COL12A1: variants seen among roughly 807,000 people sequenced by gnomAD.
COL12A1 encodes collagen alpha-1(XII) chain.
In COL12A1, 114 loss-of-function variants were observed where a neutral mutation model predicts 349.7. The ratio of observed to expected loss-of-function variants is 0.33; its 90% CI spans 0.28 to 0.38. The LOEUF (loss-of-function observed/expected upper bound fraction) is 0.38. Ranked by LOEUF, COL12A1 falls within the 10% of genes least tolerant of loss-of-function variation. The pLI, the probability that COL12A1 is intolerant of heterozygous loss-of-function variation, is 1.00. For missense variants in COL12A1, 3,284 were observed against 3,756.9 expected, an observed-to-expected ratio of 0.87 and a Z score of 3.29; for synonymous variants, 1,369 against 1,329.0, an observed-to-expected ratio of 1.03 and a Z score of -0.66.
At chr6:75,129,799 C>T (rs1766212468) in intron 37 of COL12A1, among the ~76,000 whole-genome samples, 1 of 152,030 alleles carries the variant, frequency 6.6e-6, no homozygotes, top group African/African-American at 2.4e-5. Flanking sequence ...AAACTTGGTT[C>T]CTGTGGTGTC....
intron 60 of COL12A1, among the ~76,000 whole-genome samples, 176 bp from the exon 61 acceptor site, chr6:75,091,701 CTCTCTCTCTCTCTCTCTT>C (rs1463023494): frequency 6.6e-6 from 1 of 150,430 alleles, no homozygotes; most frequent in Non-Finnish European, 1.5e-5. Flanking sequence ...GGAATCTAAT[CTCTCTCTCTCTCTCTCTT>C]TCTCTCTCTC....
At position 75,183,157 on chromosome 6, in the gene COL12A1, T is replaced by C. The variant is rs1451000533; in HGVS notation, c.1784A>G (p.His595Arg). Residue 595 changes from histidine (H) to arginine (R), a missense_variant, in exon 10 of 66, where the codon CAT (histidine) becomes CGT (arginine). By Grantham distance (29) the His-to-Arg change is conservative. Transcript: ENST00000322507. ...EAIASPPAET[H>R]VFTVEDFDAF... ...ATCAAAATCTTCCACTGTGAACACA[T>C]GGGTCTCTGCAGGAGGAGAGGCAAT... The C allele has an allele frequency of 1.9e-6, 3 of 1,614,150 alleles. No homozygotes were observed. Among genetic ancestry groups the C allele is most frequent in the South Asian group, 1.1e-5 (1 of 91,082 alleles).
chr6:75,145,199 G>A, intron 25 of COL12A1, 127 bp downstream of exon 25: 1 of 980,108 alleles, frequency 1.0e-6, no homozygotes, highest in South Asian at 3.9e-5. Flanking sequence ...AAATTTGATT[G>A]TCAAAAGTAA....
intron 21 of COL12A1, among the ~76,000 whole-genome samples, chr6:75,149,811 A>C (rs892780178): frequency 1.3e-5 from 2 of 152,152 alleles, no homozygotes; most frequent in Non-Finnish European, 2.9e-5. Context: ...AACTAGAATG[A>C]ATGCAACTAT....
At chr6:75,129,368 A>AAAAG (rs1228137211) in intron 37 of COL12A1, among the ~76,000 whole-genome samples, 1 of 152,346 alleles carries the variant, frequency 6.6e-6, no homozygotes, top group East Asian at 1.9e-4. Context: ...CTATGTGGTA[A>AAAAG]AAAGATGGCA....
At position 75,183,403 on chromosome 6, in the gene COL12A1, C is replaced by G. The variant is rs1422951580; in HGVS notation, c.1538G>C (p.Arg513Thr). 2 of 1,614,196 alleles carry G rather than the reference C, an allele frequency of 1.2e-6. No individual in the cohort carries two copies. The highest frequency in any genetic ancestry group is 1.7e-6 in the Non-Finnish European group (2 of 1,180,036). Residue 513 changes from arginine (R) to threonine (T), a missense_variant, in exon 10 of 66, where the codon AGA (arginine) becomes ACA (threonine). By Grantham distance (71) the Arg-to-Thr change is moderately conservative. This residue lies in a region of COL12A1 where 2,601 missense variants were observed against 2,824.8 expected (regional missense o/e 0.92). Coordinates refer to ENST00000322507, the MANE Select transcript of COL12A1 (RefSeq NM_004370.6). The stretch of plus-strand genomic sequence containing the variant: ...TTTGCCAGTATTTGTAGATCCTCCT[C>G]TGTAAGGGAAGGTGTTTATTGCTTC... Reference protein sequence around the residue: ...IIEAINTFPYRGGSTNTGKAM... With the variant: ...IIEAINTFPYTGGSTNTGKAM...
At chr6:75,107,612 T>A (rs976363583) in intron 52 of COL12A1, among the ~76,000 whole-genome samples, 26 of 152,248 alleles carry the variant, frequency 1.7e-4, no homozygotes, top group African/African-American at 6.3e-4. Flanking sequence ...AAAAGTAACA[T>A]TAAAGTAAAT....
At chr6:75,116,785 A>G (rs915087984) in intron 47 of COL12A1, among the ~76,000 whole-genome samples, 3 of 152,124 alleles carry the variant, frequency 2.0e-5, no homozygotes, top group Non-Finnish European at 2.9e-5. Flanking sequence ...ATTATGTAGG[A>G]TAAATTGCCT....
rs756157574 is a variant in COL12A1, at chr6:75,115,868, T to G, written c.7613A>C (p.Gln2538Pro). 6 of 1,613,524 alleles carry G rather than the reference T, an allele frequency of 3.7e-6. No homozygotes were observed. Among genetic ancestry groups the G allele is most frequent in the South Asian group, 2.2e-5 (2 of 91,068 alleles). Residue 2538 changes from glutamine to proline, a missense_variant, in exon 49 of 66, where the codon CAA becomes CCA. By Grantham distance (76) the Gln-to-Pro change is moderately conservative. This residue lies in a region of COL12A1 where 683 missense variants were observed against 932.1 expected (regional missense o/e 0.73). Coordinates refer to ENST00000322507, the MANE Select transcript of COL12A1 (RefSeq NM_004370.6). ...AGACCCTGACTCCAAAGATACTCCT[T>G]GTACAGAAGCAAAATTCTTTTCTGT... ...NLTEKNFASV[Q>P]GVSLESGSFP...
At chr6:75,203,798 T>A (rs530605112) in intron 1 of COL12A1, among the ~76,000 whole-genome samples, 1 of 152,338 alleles carries the variant, frequency 6.6e-6, no homozygotes, top group African/African-American at 2.4e-5. Context: ...AGCAAGGAAC[T>A]GAACTGGGAA....
chr6:75,113,195 T>C lies in COL12A1; in HGVS notation c.7950+9A>G, dbSNP rs778327157. ...TAGAAATAAGACTCAAATAATCTTA[T>C]GTTTTTACCTTGTGAAAACTTCCAT... is the stretch of plus-strand genomic sequence containing the variant. On this transcript the variant is annotated intron_variant, in intron 51 of 65. Transcript: ENST00000322507. 9 of 1,418,652 alleles carry C rather than the reference T, an allele frequency of 6.3e-6. No homozygotes were observed. Among genetic ancestry groups the C allele is most frequent in the Admixed American group, 4.2e-5 (2 of 47,620 alleles). 87.9% of individuals were successfully genotyped at this position (1,418,652 alleles called of 1,614,324 possible). A position where few individuals can be genotyped will look rare whatever the true frequency, so the allele number is the denominator to read the frequency against.
chr6:75,189,914 T>C lies in COL12A1; in HGVS notation c.395-99A>G, dbSNP rs1428626177. On this transcript the variant is annotated intron_variant, in intron 5 of 65. Coordinates refer to ENST00000322507, the MANE Select transcript of COL12A1 (RefSeq NM_004370.6). Reference sequence around the variant, plus strand: ...AATGTTGGCTCCTTAAATCATTCTGTTCATTAGAACATATTCACCAATTGT... The same window carrying C: ...AATGTTGGCTCCTTAAATCATTCTGCTCATTAGAACATATTCACCAATTGT... The C allele has an allele frequency of 2.3e-6, 3 of 1,296,502 alleles. No homozygotes were observed. In the South Asian group the frequency reaches 4.3e-5, roughly 19 times the overall value. The allele number at this position is 1,296,502 out of a possible 1,614,324, so 80.3% of individuals were successfully genotyped here.
At chr6:75,126,217 T>C in intron 39 of COL12A1, 134 bp downstream of exon 39, 1 of 950,168 alleles carries the variant, frequency 1.1e-6, no homozygotes, top group South Asian at 2.3e-5. Flanking sequence ...CCAAAAACAT[T>C]GCCTTTGGTT....
At chr6:75,183,755 T>C (rs1175343210) in intron 9 of COL12A1, 99 bp downstream of exon 9, 15 of 1,540,308 alleles carry the variant, frequency 9.7e-6, no homozygotes, top group Non-Finnish European at 1.1e-5. Flanking sequence ...AAAAAAACTA[T>C]TGCAAATATT....
In COL12A1 at chr6:75,090,279, A is replaced by AT; in HGVS notation, c.8771dup (p.Asn2924LysfsTer10). 6.2e-7 allele frequency: 1 copy of AT among 1,610,500 alleles called. No individual in the cohort carries two copies. Among genetic ancestry groups the AT allele is most frequent in the Non-Finnish European group, 8.5e-7 (1 of 1,177,190 alleles). ...CATTTGGAATCTGATTCAGCATCTG[A>AT]TTGAATCTGTTCATCTGACCTACAA... On this transcript the variant is annotated frameshift_variant, in exon 63 of 66. Transcript: ENST00000322507. LOFTEE classifies it high-confidence loss of function. This position sits in a 1 kb window ranked among gnomAD's most constrained non-coding sequence, Gnocchi z 4.1.
chr6:75,155,689 T>G lies in COL12A1; in HGVS notation c.3416A>C (p.Asp1139Ala), dbSNP rs192171030. 2 of 1,610,112 alleles carry G rather than the reference T, an allele frequency of 1.2e-6. No homozygotes were observed. Among genetic ancestry groups the G allele is most frequent in the African/African-American group, 1.3e-5 (1 of 74,634 alleles). Residue 1139 changes from aspartate (D) to alanine (A), a missense_variant, in exon 16 of 66, where the codon GAC becomes GCC. Physicochemically the swap from Asp to Ala is moderately radical, Grantham distance 126 (BLOSUM62 -2). Coordinates refer to ENST00000322507, the MANE Select transcript of COL12A1 (RefSeq NM_004370.6). Reference sequence around the variant, plus strand: ...AAGTTCCTCCAAAACAACTGTGTTGTCATAGGGTCCAACCACTAACTCCCC... The same window carrying G: ...AAGTTCCTCCAAAACAACTGTGTTGGCATAGGGTCCAACCACTAACTCCCC... ...RLGELVVGPY[D>A]NTVVLEELRA...
intron 13 of COL12A1, among the ~76,000 whole-genome samples, chr6:75,168,777 G>A (rs1303886168): frequency 2.0e-5 from 3 of 152,142 alleles, no homozygotes; most frequent in Non-Finnish European, 4.4e-5. Flanking sequence ...GGTGTGCTGG[G>A]TCAGTGTGGG....
Position 75,145,310 on chromosome 6 carries a change from C to A in COL12A1, c.4690+16G>T. 6.3e-7 allele frequency: 1 copy of A among 1,575,036 alleles called. No individual in the cohort carries two copies. Among genetic ancestry groups the A allele is most frequent in the Non-Finnish European group, 8.7e-7 (1 of 1,154,206 alleles). On this transcript the variant is annotated intron_variant, in intron 25 of 65. Transcript: ENST00000322507. ...CACAGCAATAAGAAGGGAAATAAAACTAAGCAGTAGCTTACAGGTGACTTC... is the reference window on the plus strand; with the variant it reads ...CACAGCAATAAGAAGGGAAATAAAAATAAGCAGTAGCTTACAGGTGACTTC...
chr6:75,133,934 C>G lies in COL12A1; in HGVS notation c.5588G>C (p.Arg1863Pro). ...YDPSTSTLNVRWDHAEGNPRQ... is the reference protein window; with the variant it reads ...YDPSTSTLNVPWDHAEGNPRQ... ...AGGATTTCCCTCTGCATGGTCCCAG[C>G]GGACATTCAAGGTGCTGGTAGAAGG... Residue 1863 changes from arginine (R) to proline (P), a missense_variant, in exon 33 of 66, where the codon CGC (arginine) becomes CCC (proline). By Grantham distance (103) the Arg-to-Pro change is moderately radical. Coordinates refer to ENST00000322507, the MANE Select transcript of COL12A1 (RefSeq NM_004370.6). 1 of 1,614,066 alleles carries G rather than the reference C, an allele frequency of 6.2e-7. No individual in the cohort carries two copies. The highest frequency in any genetic ancestry group is 8.5e-7 in the Non-Finnish European group (1 of 1,179,976).
Sources: gnomAD v4.1 joint callset for allele counts (sites outside exome capture counted in the v4.1 genomes callset) on GRCh38, gnomAD v4.1.1 for gene constraint, gnomAD v4.1.1 regional missense constraint, Gnocchi (gnomAD v3.1) non-coding constraint, MANE v1.5 for transcripts, NCBI Gene and HGNC (gene_info 2026-07-23, HGNC 2026-07-21) for gene names.